The following TMEM234 variants were observed in gnomAD, a reference collection of about 807,000 sequenced individuals.
TMEM234 encodes the protein chromosome 1 open reading frame 91.
Under a neutral mutation model 17.8 loss-of-function variants are expected in TMEM234, and 21 were observed. The observed-to-expected ratio is 1.18, with a 90% CI of 0.84 to 1.70. The LOEUF (loss-of-function observed/expected upper bound fraction) is 1.70, where lower values mean the gene tolerates loss of function less well. Among genes scored for constraint, TMEM234 ranks in the 40% most tolerant of loss-of-function variants. The probability of loss-of-function intolerance (pLI) is 0.00; values close to 1 mark genes in which losing one functional copy is unlikely to be tolerated. For missense variants in TMEM234, 137 were observed against 166.9 expected, an observed-to-expected ratio of 0.82 and a Z score of 0.99; for synonymous variants, 83 against 73.5, an observed-to-expected ratio of 1.13 and a Z score of -0.66.
chr1:32,215,343 G>A, downstream of TMEM234: 1 of 1,055,782 alleles, frequency 9.5e-7, no homozygotes, highest in Non-Finnish European at 1.4e-6. Context: ...GCAGAACCAG[G>A]TTCAGGGGAG....
intron 4 of TMEM234, 45 bp downstream of exon 4, chr1:32,217,214 G>A (rs373658628): frequency 1.8e-4 from 284 of 1,614,024 alleles, no homozygotes; most frequent in Non-Finnish European, 2.3e-4. Context: ...CAGGTATGTC[G>A]AGATCCACAG....
chr1:32,218,805 G>C (rs186497419), intron 3 of TMEM234, among the ~76,000 whole-genome samples: 146 of 152,298 alleles, frequency 9.6e-4, no homozygotes, highest in African/African-American at 3.3e-3. Context: ...AGGCATGGTG[G>C]TGCATGCCTG....
chr1:32,215,361 G>T, downstream of TMEM234: 1 of 1,218,580 alleles, frequency 8.2e-7, no homozygotes, highest in Non-Finnish European at 1.2e-6. Context: ...GAGGGAAAGG[G>T]GCTAGCATGA....
downstream of TMEM234, chr1:32,214,693 C>T: frequency 6.6e-7 from 1 of 1,509,254 alleles, no homozygotes; most frequent in Non-Finnish European, 9.0e-7. Flanking sequence ...GTCTCCTCTG[C>T]CATGTTCCTG....
At chr1:32,214,679 C>T (rs574295561), downstream of TMEM234, 85 of 1,420,712 alleles carry the variant, frequency 6.0e-5, no homozygotes, top group Middle Eastern at 7.3e-4. Flanking sequence ...TGAAGACAGA[C>T]GGTGTCTCCT....
Position 32,221,201 on chromosome 1 carries a change from G to T in TMEM234, c.169-4C>A, listed in dbSNP as rs1638872872. 1.2e-6 allele frequency: 2 copies of T among 1,612,226 alleles called. No individual in the cohort carries two copies. Among genetic ancestry groups the T allele is most frequent in the Admixed American group, 3.3e-5 (2 of 59,854 alleles). ...TGAGGAGAAAGGGCATCAGGTACTG[G>T]AAAGAGGAGAAACCTGCAGTCAGTG... On this transcript the variant is annotated splice_region_variant and splice_polypyrimidine_tract_variant and intron_variant, in intron 2 of 4. Transcript: ENST00000309777.
downstream of TMEM234, chr1:32,214,708 C>T (rs951853651): frequency 2.6e-6 from 4 of 1,558,574 alleles, no homozygotes; most frequent in Non-Finnish European, 3.5e-6. Flanking sequence ...TTCCTGCAGG[C>T]GTCAGGGGCT....
At chr1:32,221,793 A>G in intron 2 of TMEM234, 74 bp downstream of exon 2, 1 of 1,590,714 alleles carries the variant, frequency 6.3e-7, no homozygotes, top group Non-Finnish European at 8.6e-7. Flanking sequence ...GGGCTGACCC[A>G]GACCTGTTTG....
intron 3 of TMEM234, among the ~76,000 whole-genome samples, chr1:32,220,290 C>A (rs532353514): frequency 6.6e-6 from 1 of 152,320 alleles, no homozygotes; most frequent in East Asian, 1.9e-4. Flanking sequence ...CATTCTCGCG[C>A]CTCAGCCTCC....
rs769267271 is a variant in TMEM234, at chr1:32,216,870, G to T, written c.406C>A (p.Gln136Lys). ...ITSSVSKTQGQQSTL is the reference protein window; with the variant it reads ...ITSSVSKTQGKQSTL Reference sequence around the variant, plus strand: ...CGGCCCACTCAAAGGGTAGACTGTTGCCCCTGGGTCTTACTCACTGAGCTT... The same window carrying T: ...CGGCCCACTCAAAGGGTAGACTGTTTCCCCTGGGTCTTACTCACTGAGCTT... Residue 136 changes from glutamine to lysine, a missense_variant, in exon 5 of 5, where the codon CAA (glutamine) becomes AAA (lysine). Gln to Lys is a moderately conservative substitution (Grantham distance 53). Transcript: ENST00000309777. The T allele has an allele frequency of 4.3e-6, 7 of 1,614,050 alleles. No individual in the cohort carries two copies. Among genetic ancestry groups the T allele is most frequent in the Admixed American group, 1.7e-5 (1 of 59,988 alleles).
chr1:32,214,528 G>C, downstream of TMEM234: 1 of 456,302 alleles, frequency 2.2e-6, no homozygotes, highest in Non-Finnish European at 4.0e-6. Context: ...AAATGAGCCA[G>C]TGAGCATGGG....
At chr1:32,222,285 A>G (rs1410415860) in intron 1 of TMEM234, 22 bp downstream of exon 1, 2 of 1,542,444 alleles carry the variant, frequency 1.3e-6, no homozygotes, top group Non-Finnish European at 1.7e-6. Context: ...AAATCCATGG[A>G]AGGGCGGGGC....
chr1:32,214,911 C>A, downstream of TMEM234: 1 of 1,613,998 alleles, frequency 6.2e-7, no homozygotes, highest in Non-Finnish European at 8.5e-7. Flanking sequence ...AAGCAAGCTC[C>A]CCACACTCTC....
At chr1:32,217,901 G>A (rs140120715) in intron 3 of TMEM234, among the ~76,000 whole-genome samples, 10 of 152,350 alleles carry the variant, frequency 6.6e-5, no homozygotes, top group Non-Finnish European at 5.9e-5. Flanking sequence ...TTATTAAACT[G>A]TGGATATAGA....
At chr1:32,217,662 C>T in intron 3 of TMEM234, 1 of 531,802 alleles carries the variant, frequency 1.9e-6, no homozygotes, top group Non-Finnish European at 3.5e-6. Context: ...GGCAGGCACC[C>T]AAATCCCAAA....
chr1:32,214,660 C>T (rs917664499), downstream of TMEM234: 15 of 1,273,572 alleles, frequency 1.2e-5, no homozygotes, highest in Middle Eastern at 1.9e-4. Context: ...GGAGGGAGGA[C>T]GTACTTTGTG....
At chr1:32,216,178 A>G, downstream of TMEM234, 2 of 805,908 alleles carry the variant, frequency 2.5e-6, no homozygotes, top group Non-Finnish European at 3.8e-6. Context: ...GTCACAATAA[A>G]AGAATACTTA....
rs1638960899 is a variant in TMEM234 at position 32,221,994 on chromosome 1, A to AC, written c.40dup (p.Val14GlyfsTer24). The AC allele has an allele frequency of 1.2e-6, 2 of 1,612,186 alleles. No individual in the cohort carries two copies. The highest frequency in any genetic ancestry group is 1.3e-5 in the African/African-American group (1 of 75,026). On this transcript the variant is annotated frameshift_variant, in exon 2 of 5. Transcript: ENST00000309777. LOFTEE classifies it high-confidence loss of function. ...CTGCGTGCCACCCCACAGAGCGGCC[A>AC]CCAGCACCAGAGCCAACACCTGCCC... is the stretch of plus-strand genomic sequence containing the variant.
At chr1:32,221,277 T>C in intron 2 of TMEM234, 80 bp from the exon 3 acceptor site, 1 of 1,153,062 alleles carries the variant, frequency 8.7e-7, no homozygotes, top group Non-Finnish European at 1.3e-6. Flanking sequence ...AGCGAATGTC[T>C]TTCCTTGGAG....
Sources: gnomAD v4.1 joint callset for allele counts (sites outside exome capture counted in the v4.1 genomes callset) on GRCh38, gnomAD v4.1.1 for gene constraint, MANE v1.5 for transcripts, NCBI Gene and HGNC (gene_info 2026-07-23, HGNC 2026-07-21) for gene names.